Variants in EFNB2 observed in about 807,000 individuals in gnomAD.
EFNB2 encodes the protein ephrin B2.
Under a neutral mutation model 32.1 loss-of-function variants are expected in EFNB2, and 5 were observed. The observed-to-expected ratio is 0.16, with a 90% CI of 0.08 to 0.33. The LOEUF (loss-of-function observed/expected upper bound fraction) is 0.33, where lower values mean the gene tolerates loss of function less well. Ranked by LOEUF, EFNB2 falls within the 10% of genes least tolerant of loss-of-function variation. EFNB2 has a pLI of 1.00. For missense variants in EFNB2, 263 were observed against 422.6 expected (o/e 0.62, Z 3.31); for synonymous variants, 168 against 166.5 (o/e 1.01, Z -0.07).
Position 106,489,784 on chromosome 13 carries a change from A to C in EFNB2, c.*3256T>G, listed in dbSNP as rs903762570. 2 of 152,682 alleles carry C rather than the reference A, an allele frequency of 1.3e-5. No homozygotes were observed. Among genetic ancestry groups the C allele is most frequent in the African/African-American group, 4.8e-5 (2 of 41,466 alleles). 9.5% of individuals were successfully genotyped at this position (152,682 alleles called of 1,614,324 possible). On this transcript the variant is annotated 3_prime_UTR_variant, in exon 5 of 5. Coordinates refer to ENST00000646441, the MANE Select transcript of EFNB2 (RefSeq NM_004093.4). The stretch of plus-strand genomic sequence containing the variant: ...AAAAATATTTTATTTTTTTAAGAAC[A>C]AATTCAGTTTGAAACAGATGTGGAA...
chr13:106,517,290 G>A (rs1042032602), intron 1 of EFNB2: 4 of 152,192 alleles, frequency 2.6e-5, no homozygotes, highest in African/African-American at 9.6e-5. Flanking sequence ...ACAGCAGAGG[G>A]AAACCGCCAC....
chr13:106,530,347 T>A (rs1879830912), intron 1 of EFNB2, among the ~76,000 whole-genome samples: 2 of 152,160 alleles, frequency 1.3e-5, no homozygotes, highest in African/African-American at 2.4e-5. Context: ...TCTGCATATT[T>A]TAATCAAAAT....
At chr13:106,525,942 T>TC (rs1879685663) in intron 1 of EFNB2, among the ~76,000 whole-genome samples, 1 of 152,184 alleles carries the variant, frequency 6.6e-6, no homozygotes, top group African/African-American at 2.4e-5. Context: ...TCTTCAGAGA[T>TC]CCCCAAACAG....
At chr13:106,502,798 C>T in intron 2 of EFNB2, among the ~76,000 whole-genome samples, 1 of 152,080 alleles carries the variant, frequency 6.6e-6, no homozygotes, top group East Asian at 1.9e-4. Flanking sequence ...ACTATACAGA[C>T]CTGGAAAGCT....
At chr13:106,512,067 A>G (rs1879156490) in intron 2 of EFNB2, among the ~76,000 whole-genome samples, 1 of 152,188 alleles carries the variant, frequency 6.6e-6, no homozygotes, top group African/African-American at 2.4e-5. Context: ...TTCTTGAGGA[A>G]AACATGCTAT....
chr13:106,516,443 A>G (rs561303070), intron 1 of EFNB2: 1 of 152,320 alleles, frequency 6.6e-6, no homozygotes, highest in South Asian at 2.1e-4. Flanking sequence ...CATACATCCC[A>G]TGTTCTTCAT....
At position 106,535,636 on chromosome 13, in the gene EFNB2, CCGCGGTCCCCGCCGAGGAGAGTCAG is replaced by C. The variant is rs1228078051; in HGVS notation, c.-697_-673del. 6.6e-6 allele frequency: 1 copy of C among 150,622 alleles called. No individual in the cohort carries two copies. Among genetic ancestry groups the C allele is most frequent in the Non-Finnish European group, 1.5e-5 (1 of 67,512 alleles). The allele number at this position is 150,622 out of a possible 1,614,324, so 9.3% of individuals were successfully genotyped here. ...GCGCAGCTCCTCGCTCCGGCCGGCGCCGCGGTCCCCGCCGAGGAGAGTCAGCGCGGCCGCCGCGCTGTCAGAGCGC... is the reference window on the plus strand; with the variant it reads ...GCGCAGCTCCTCGCTCCGGCCGGCGCCGCGGCCGCCGCGCTGTCAGAGCGC... On this transcript the variant is annotated 5_prime_UTR_variant, in exon 1 of 5. Transcript: ENST00000646441.
In EFNB2 at chr13:106,490,330, GAC is replaced by G. The variant is rs1381868661; in HGVS notation, c.*2708_*2709del. ...GATGGTGCAAATTCCAAAGTCGGGTGACCAGGGACGATCATACAAGCAAGGCA... is the reference window on the plus strand; with the variant it reads ...GATGGTGCAAATTCCAAAGTCGGGTGCAGGGACGATCATACAAGCAAGGCA... On this transcript the variant is annotated 3_prime_UTR_variant, in exon 5 of 5. Coordinates refer to ENST00000646441, the MANE Select transcript of EFNB2 (RefSeq NM_004093.4). The G allele has an allele frequency of 1.3e-5, 2 of 152,136 alleles. No homozygotes were observed. Among genetic ancestry groups the G allele is most frequent in the African/African-American group, 4.8e-5 (2 of 41,416 alleles). The allele number at this position is 152,136 out of a possible 1,614,324, so 9.4% of individuals were successfully genotyped here. A position where few individuals can be genotyped will look rare whatever the true frequency, so the allele number is the denominator to read the frequency against.
intron 1 of EFNB2, among the ~76,000 whole-genome samples, chr13:106,528,999 ATTACTAC>A: frequency 6.6e-6 from 1 of 152,176 alleles, no homozygotes; most frequent in Non-Finnish European, 1.5e-5. Context: ...GGCATATTGG[ATTACTAC>A]TCATTTGAAT....
At chr13:106,531,090 C>T (rs377369023) in intron 1 of EFNB2, among the ~76,000 whole-genome samples, 1 of 152,172 alleles carries the variant, frequency 6.6e-6, no homozygotes, top group Non-Finnish European at 1.5e-5. Flanking sequence ...GTCTTTGCGT[C>T]GGCAGAACCA....
intron 1 of EFNB2, among the ~76,000 whole-genome samples, chr13:106,528,025 C>G (rs1400687429): frequency 6.6e-6 from 1 of 152,162 alleles, no homozygotes; most frequent in Admixed American, 6.5e-5. Flanking sequence ...TGTTAACAAG[C>G]AAATACTTTA....
At chr13:106,523,983 T>C (rs1879621137) in intron 1 of EFNB2, among the ~76,000 whole-genome samples, 2 of 152,186 alleles carry the variant, frequency 1.3e-5, no homozygotes, top group Non-Finnish European at 2.9e-5. Flanking sequence ...CAATCAAATG[T>C]TACAATTTTT....
intron 2 of EFNB2, among the ~76,000 whole-genome samples, chr13:106,496,967 G>T (rs1157817483): frequency 6.6e-6 from 1 of 152,142 alleles, no homozygotes; most frequent in Admixed American, 6.5e-5. Context: ...TTTTCTACCT[G>T]ATTATCAAAG....
In EFNB2 at chr13:106,534,999, C is replaced by T. The variant is rs1392224093; in HGVS notation, c.-35G>A. The stretch of plus-strand genomic sequence containing the variant: ...ACTCCCAGCTCCGCGCACTCCGGGC[C>T]AAGAAGGGACTGACGGGACGCAGGC... On this transcript the variant is annotated 5_prime_UTR_variant, in exon 1 of 5. Transcript: ENST00000646441. 6.2e-7 allele frequency: 1 copy of T among 1,610,538 alleles called. No homozygotes were observed. The highest frequency in any genetic ancestry group is 1.3e-5 in the African/African-American group (1 of 74,770).
chr13:106,495,471 ATATCTATCTATC>A (rs367670305), intron 3 of EFNB2, among the ~76,000 whole-genome samples: 1 of 149,454 alleles, frequency 6.7e-6, no homozygotes, highest in Admixed American at 6.8e-5. Flanking sequence ...TTAAAAAGAA[ATATCTATCTATC>A]TATCTATCTA....
At position 106,535,287 on chromosome 13, in the gene EFNB2, G is replaced by C. The variant is rs1339573455; in HGVS notation, c.-323C>G. The C allele has an allele frequency of 6.7e-6, 1 of 149,696 alleles. No homozygotes were observed. The highest frequency in any genetic ancestry group is 2.4e-5 in the African/African-American group (1 of 41,068). 9.3% of individuals were successfully genotyped at this position (149,696 alleles called of 1,614,324 possible). ...CCGGGCCGGCCGCGGCTGGCGGGTG[G>C]GCGCGGGGCGGGTGCGGGCTGGGAC... On this transcript the variant is annotated 5_prime_UTR_variant, in exon 1 of 5. Coordinates refer to ENST00000646441, the MANE Select transcript of EFNB2 (RefSeq NM_004093.4).
rs1011645214 is a variant in EFNB2 at position 106,493,467 on chromosome 13, T to G, written c.614-39A>C. On this transcript the variant is annotated intron_variant, in intron 4 of 4. Coordinates refer to ENST00000646441, the MANE Select transcript of EFNB2 (RefSeq NM_004093.4). The surrounding 1 kb of genome is among the most constrained non-coding windows in gnomAD (Gnocchi z 6.1). ...GACAGAAAAGGTCAGAGATAGTTAC[T>G]GCTGTCCCAGTGCAGACGGACTGCT... The G allele has an allele frequency of 7.6e-6, 12 of 1,574,314 alleles. No homozygotes were observed. Among genetic ancestry groups the G allele is most frequent in the Admixed American group, 1.7e-5 (1 of 57,644 alleles).
At chr13:106,501,905 C>T (rs1878797323) in intron 2 of EFNB2, among the ~76,000 whole-genome samples, 1 of 152,080 alleles carries the variant, frequency 6.6e-6, no homozygotes, top group South Asian at 2.1e-4. Flanking sequence ...AATTTATTTT[C>T]AAGAAGAAAT....
At chr13:106,534,054 A>C (rs943512043) in intron 1 of EFNB2, among the ~76,000 whole-genome samples, 21 of 152,218 alleles carry the variant, frequency 1.4e-4, no homozygotes, top group Non-Finnish European at 2.4e-4. Context: ...CCGAGGGAGA[A>C]GGCTTCAGGA....
Sources: gnomAD v4.1 joint callset for allele counts (sites outside exome capture counted in the v4.1 genomes callset) on GRCh38, gnomAD v4.1.1 for gene constraint, Gnocchi (gnomAD v3.1) non-coding constraint, MANE v1.5 for transcripts, NCBI Gene and HGNC (gene_info 2026-07-23, HGNC 2026-07-21) for gene names.